The following TARBP1 variants were observed in gnomAD, a reference collection of about 807,000 sequenced individuals.
The protein encoded by TARBP1 is tRNA (guanosine(18)-2'-O)-methyltransferase TARBP1.
In TARBP1, 144 loss-of-function variants were observed where a neutral mutation model predicts 178.6. That is an observed-to-expected ratio of 0.81 (90% CI 0.70 to 0.93). The LOEUF is 0.93. Among genes scored for constraint, TARBP1 ranks in the 40% least tolerant of loss-of-function variants. The probability of loss-of-function intolerance (pLI) is 0.00; values close to 1 mark genes in which losing one functional copy is unlikely to be tolerated. For missense variants in TARBP1, 2,067 were observed against 2,011.7 expected, an observed-to-expected ratio of 1.03 and a Z score of -0.53; for synonymous variants, 787 against 781.0, an observed-to-expected ratio of 1.01 and a Z score of -0.13.
chr1:234,465,445 GA>G (rs747583568), intron 5 of TARBP1, among the ~76,000 whole-genome samples: 13 of 151,938 alleles, frequency 8.6e-5, no homozygotes, highest in South Asian at 2.1e-4. Flanking sequence ...GCTCAAGGCA[GA>G]AAAAGGAAAC....
In TARBP1 at chr1:234,467,640, G is replaced by C. The variant is rs270502; in HGVS notation, c.1110C>G (p.Leu370=). The C allele has an allele frequency of 3.8e-6, 6 of 1,582,786 alleles. No homozygotes were observed. The highest frequency in any genetic ancestry group is 3.4e-6 in the Non-Finnish European group (4 of 1,169,728). ...YAVSEENGCW[L]FHPSWHMCIY... ...TACACATATGCCAGGATGGGTGAAA[G>C]AGCCAACATCCTGTGGAAACAAACA... is the stretch of plus-strand genomic sequence containing the variant. The change falls in exon 4 of 30, where the codon CTC becomes CTG. Residue 370 remains leucine, a synonymous_variant. Coordinates refer to ENST00000040877, the MANE Select transcript of TARBP1 (RefSeq NM_005646.4).
chr1:234,476,096 G>A (rs34912197), intron 1 of TARBP1, among the ~76,000 whole-genome samples: 13,748 of 152,196 alleles, frequency 0.09, 664 homozygotes, highest in Middle Eastern at 0.17. Context: ...TCCAGGTATC[G>A]AACTTGCAGA....
rs775001811 is a variant in TARBP1, at chr1:234,479,143, A to G, written c.-40T>C. ...CGCCACCGGCCCGGGCTCCCAAAGG[A>G]AGGCGCCGGCGTGTGCGATGCGTGC... On this transcript the variant is annotated 5_prime_UTR_variant, in exon 1 of 30. Transcript: ENST00000040877. The G allele has an allele frequency of 1.1e-4, 171 of 1,488,154 alleles. 2 individuals carry two copies. In the Admixed American group the frequency reaches 4.0e-3, roughly 35 times the overall value. 92.2% of individuals were successfully genotyped at this position (1,488,154 alleles called of 1,614,324 possible).
At chr1:234,458,081 C>T (rs1318837179) in intron 8 of TARBP1, among the ~76,000 whole-genome samples, 1 of 151,644 alleles carries the variant, frequency 6.6e-6, no homozygotes, top group Non-Finnish European at 1.5e-5. Context: ...CGGTGGCTCA[C>T]GCCTGTAATC....
intron 20 of TARBP1, among the ~76,000 whole-genome samples, chr1:234,423,249 G>C (rs1218420269): frequency 6.6e-6 from 1 of 152,120 alleles, no homozygotes; most frequent in East Asian, 1.9e-4. Flanking sequence ...TTTTTAGTTT[G>C]TTTTCTTGAT....
chr1:234,467,746 A>G, intron 3 of TARBP1, 96 bp from the exon 4 acceptor site: 1 of 1,205,366 alleles, frequency 8.3e-7, no homozygotes, highest in Admixed American at 3.8e-5. Flanking sequence ...ACACACAATA[A>G]CTTCATTATA....
chr1:234,427,687 C>A lies in TARBP1; in HGVS notation c.3140G>T (p.Trp1047Leu). 6.4e-7 allele frequency: 1 copy of A among 1,561,118 alleles called. No homozygotes were observed. Among genetic ancestry groups the A allele is most frequent in the South Asian group, 1.2e-5 (1 of 80,984 alleles). Residue 1047 changes from tryptophan (W) to leucine (L), a missense_variant, in exon 18 of 30, where the codon TGG (tryptophan) becomes TTG (leucine). Transcript: ENST00000040877. ...GGACACATTTGAAGCAGACACTATC[C>A]AAGACTGACAGCAGTAACTTATCAG... ...NTLISYCCQS[W>L]IVSASNVSQG...
intron 9 of TARBP1, among the ~76,000 whole-genome samples, chr1:234,453,257 A>G (rs894877339): frequency 6.6e-6 from 1 of 152,068 alleles, no homozygotes; most frequent in African/African-American, 2.4e-5. Context: ...TGTTAACAAC[A>G]GGGGAAACTG....
intron 2 of TARBP1, among the ~76,000 whole-genome samples, chr1:234,472,260 C>A (rs540043713): frequency 2.3e-5 from 3 of 128,760 alleles, no homozygotes; most frequent in Admixed American, 2.0e-4. Flanking sequence ...ACCCAGGAGG[C>A]GGATGTTGCA....
intron 1 of TARBP1, among the ~76,000 whole-genome samples, chr1:234,474,143 C>T (rs1669340855): frequency 6.6e-6 from 1 of 151,812 alleles, no homozygotes; most frequent in Non-Finnish European, 1.5e-5. Context: ...TCTCTGGAGG[C>T]TGAGATGAGA....
chr1:234,401,183 C>G lies in TARBP1; in HGVS notation c.4069G>C (p.Glu1357Gln), dbSNP rs764155093. 1.2e-6 allele frequency: 2 copies of G among 1,611,286 alleles called. No homozygotes were observed. The highest frequency in any genetic ancestry group is 1.7e-6 in the Non-Finnish European group (2 of 1,177,872). The change falls in exon 25 of 30, where the codon GAG (glutamate) becomes CAG (glutamine). Residue 1357 changes from glutamate to glutamine, a missense_variant and splice_region_variant. Transcript: ENST00000040877. ...TFHPLKDYCLETIFYILPRLS... is the reference protein window; with the variant it reads ...TFHPLKDYCLQTIFYILPRLS... ...TACAAATGATATTCTCTACTCACCTCTAGACAATAATCCTTGAGTGGGTGA... is the reference window on the plus strand; with the variant it reads ...TACAAATGATATTCTCTACTCACCTGTAGACAATAATCCTTGAGTGGGTGA...
intron 15 of TARBP1, 30 bp from the exon 16 acceptor site, chr1:234,429,707 T>C (rs936948694): frequency 6.8e-7 from 1 of 1,479,720 alleles, no homozygotes; most frequent in East Asian, 2.3e-5. Context: ...TACTAGGCCA[T>C]ACTTCCCCAA....
At chr1:234,423,748 AT>A (rs1228790622) in intron 20 of TARBP1, among the ~76,000 whole-genome samples, 225 of 130,964 alleles carry the variant, frequency 1.7e-3, no homozygotes, top group Middle Eastern at 7.6e-3. Flanking sequence ...TTTTTTCTGA[AT>A]TTTTTTTTTT....
chr1:234,411,738 C>T (rs1027240323), intron 22 of TARBP1, among the ~76,000 whole-genome samples: 2 of 152,034 alleles, frequency 1.3e-5, no homozygotes, highest in African/African-American at 2.4e-5. Flanking sequence ...ACCTCTGATT[C>T]CAGTTGAAAA....
chr1:234,410,386 T>A, intron 23 of TARBP1, 59 bp downstream of exon 23: 1 of 1,072,072 alleles, frequency 9.3e-7, no homozygotes. Context: ...AAAAAATTGG[T>A]ACAAATACAT....
chr1:234,470,816 A>T (rs1263198848), intron 3 of TARBP1, among the ~76,000 whole-genome samples: 1 of 152,054 alleles, frequency 6.6e-6, no homozygotes, highest in Non-Finnish European at 1.5e-5. Flanking sequence ...GAGTTTCACT[A>T]TGTTGGCCAG....
chr1:234,448,727 A>G (rs1572352481), intron 10 of TARBP1, 148 bp from the exon 11 acceptor site: 2 of 645,740 alleles, frequency 3.1e-6, no homozygotes, highest in East Asian at 5.5e-5. Flanking sequence ...AACACCCTAG[A>G]GCATGGCTCA....
At chr1:234,406,413 C>T (rs1572226581) in intron 23 of TARBP1, 1 of 243,812 alleles carries the variant, frequency 4.1e-6, no homozygotes, top group East Asian at 8.4e-5. Context: ...CATTATACAA[C>T]CAAAATGTTT....
At chr1:234,436,443 G>A (rs1665039734) in intron 13 of TARBP1, among the ~76,000 whole-genome samples, 1 of 152,134 alleles carries the variant, frequency 6.6e-6, no homozygotes, top group African/African-American at 2.4e-5. Context: ...ATGATTGCTT[G>A]ATAAAAATTA....
Sources: gnomAD v4.1 joint callset for allele counts (sites outside exome capture counted in the v4.1 genomes callset) on GRCh38, gnomAD v4.1.1 for gene constraint, MANE v1.5 for transcripts, NCBI Gene and HGNC (gene_info 2026-07-23, HGNC 2026-07-21) for gene names.